PTPRT: variants seen among roughly 807,000 people sequenced by gnomAD.
The protein encoded by PTPRT is protein tyrosine phosphatase receptor type T, also known as receptor-type tyrosine-protein phosphatase T.
Under a neutral mutation model 176.8 loss-of-function variants are expected in PTPRT, and 56 were observed. The observed-to-expected ratio is 0.32, with a 90% CI of 0.26 to 0.40. PTPRT has a LOEUF of 0.40. Among genes scored for constraint, PTPRT ranks in the 10% least tolerant of loss-of-function variants. PTPRT has a pLI of 1.00. For synonymous variants in PTPRT, 783 were observed against 739.0 expected (o/e 1.06, Z -0.96); for missense variants, 1,540 against 1,908.2 (o/e 0.81, Z 3.60).
chr20:42,558,759 G>T (rs1601263173), intron 7 of PTPRT, among the ~76,000 whole-genome samples: 1 of 152,242 alleles, frequency 6.6e-6, no homozygotes, highest in Admixed American at 6.5e-5. Flanking sequence ...TTGCACTGAT[G>T]TAACCACCGA....
intron 1 of PTPRT, among the ~76,000 whole-genome samples, chr20:43,167,126 A>G (rs2146452929): frequency 6.6e-6 from 1 of 152,328 alleles, no homozygotes; most frequent in Non-Finnish European, 1.5e-5. Context: ...TACTCTTGAC[A>G]GGTTTGGACC....
At chr20:42,563,840 G>T (rs2072994315) in intron 7 of PTPRT, among the ~76,000 whole-genome samples, 1 of 152,194 alleles carries the variant, frequency 6.6e-6, no homozygotes, top group Admixed American at 6.5e-5. Flanking sequence ...CAGGGTAAGT[G>T]AACCTCAGTA....
At chr20:42,884,150 A>G (rs1050132956) in intron 2 of PTPRT, among the ~76,000 whole-genome samples, 17 of 152,122 alleles carry the variant, frequency 1.1e-4, no homozygotes, top group African/African-American at 9.7e-5. Flanking sequence ...TTTTAAAGTC[A>G]GCATGATTGG....
At chr20:42,185,085 A>G (rs575339629) in intron 16 of PTPRT, among the ~76,000 whole-genome samples, 7 of 152,172 alleles carry the variant, frequency 4.6e-5, no homozygotes, top group Non-Finnish European at 1.0e-4. Flanking sequence ...TCGGAGTTTC[A>G]ATAACTAGAG....
chr20:43,103,990 C>T (rs2425596), intron 1 of PTPRT, among the ~76,000 whole-genome samples: 44,277 of 151,988 alleles, frequency 0.29, 6,877 homozygotes, highest in Non-Finnish European at 0.35. Flanking sequence ...ACATCACACG[C>T]GCTTGCCACA....
At chr20:42,171,658 G>A (rs1220839864) in intron 16 of PTPRT, among the ~76,000 whole-genome samples, 1 of 151,962 alleles carries the variant, frequency 6.6e-6, no homozygotes, top group Middle Eastern at 3.2e-3. Context: ...GAATGAACAG[G>A]ATTCAAATAG....
At chr20:42,096,403 G>T (rs372028213) in intron 27 of PTPRT, among the ~76,000 whole-genome samples, 1 of 152,274 alleles carries the variant, frequency 6.6e-6, no homozygotes, top group Admixed American at 6.5e-5. Flanking sequence ...AAGAGTTTGA[G>T]ACCAGCCTGG....
intron 1 of PTPRT, among the ~76,000 whole-genome samples, chr20:43,124,091 C>G (rs1568799045): frequency 6.6e-6 from 1 of 152,198 alleles, no homozygotes; most frequent in Non-Finnish European, 1.5e-5. Context: ...CTGAACTGGA[C>G]CAACAGCTTC....
At chr20:42,570,148 G>A (rs1469723608) in intron 7 of PTPRT, among the ~76,000 whole-genome samples, 1 of 152,236 alleles carries the variant, frequency 6.6e-6, no homozygotes, top group South Asian at 2.1e-4. Context: ...TGTCGCCAGT[G>A]TGTGTCGTCA....
chr20:42,375,200 CTG>C (rs764595069), intron 9 of PTPRT, among the ~76,000 whole-genome samples: 64 of 152,230 alleles, frequency 4.2e-4, no homozygotes, highest in East Asian at 5.8e-4. Flanking sequence ...ACAGTCATGT[CTG>C]TGTTATATCC....
At chr20:42,392,213 C>T (rs2058806602) in intron 9 of PTPRT, among the ~76,000 whole-genome samples, 1 of 152,192 alleles carries the variant, frequency 6.6e-6, no homozygotes, top group Non-Finnish European at 1.5e-5. Context: ...CACATATGAA[C>T]ATTTCCTGCC....
intron 9 of PTPRT, among the ~76,000 whole-genome samples, chr20:42,360,430 C>G (rs1002220596): frequency 6.6e-6 from 1 of 152,190 alleles, no homozygotes; most frequent in African/African-American, 2.4e-5. Context: ...TCAACTCAGA[C>G]GGCTCTAAGC....
intron 1 of PTPRT, among the ~76,000 whole-genome samples, chr20:42,984,299 G>A (rs1430951129): frequency 6.6e-6 from 1 of 152,158 alleles, no homozygotes; most frequent in Non-Finnish European, 1.5e-5. Flanking sequence ...CGAGAAGACT[G>A]GAATTGACAG....
At chr20:42,959,709 G>T (rs1981878294) in intron 1 of PTPRT, among the ~76,000 whole-genome samples, 1 of 152,078 alleles carries the variant, frequency 6.6e-6, no homozygotes, top group African/African-American at 2.4e-5. Flanking sequence ...GCTTCCACTA[G>T]CGCCTACCCC....
chr20:42,211,129 T>G (rs1277527025), intron 15 of PTPRT, among the ~76,000 whole-genome samples: 1 of 152,138 alleles, frequency 6.6e-6, no homozygotes, highest in Non-Finnish European at 1.5e-5. Flanking sequence ...TCCTTACACC[T>G]TATACAAAAA....
intron 6 of PTPRT, among the ~76,000 whole-genome samples, chr20:42,707,133 C>G (rs7271643): frequency 0.082 from 12,489 of 152,206 alleles, 669 homozygotes; most frequent in Admixed American, 0.13. Flanking sequence ...CTCTTAGCCT[C>G]CAGAACTGTG....
intron 16 of PTPRT, among the ~76,000 whole-genome samples, chr20:42,176,572 G>T (rs1332189349): frequency 2.0e-5 from 3 of 152,118 alleles, no homozygotes; most frequent in Non-Finnish European, 2.9e-5. Flanking sequence ...TCCATAACCT[G>T]CACACTTATG....
chr20:42,242,179 C>A (rs1386000606), intron 14 of PTPRT, among the ~76,000 whole-genome samples: 1 of 152,194 alleles, frequency 6.6e-6, no homozygotes, highest in East Asian at 1.9e-4. Flanking sequence ...ATGTCTTCCA[C>A]ATACTGCCTC....
intron 7 of PTPRT, among the ~76,000 whole-genome samples, chr20:42,536,946 A>T (rs1176341852): frequency 6.6e-6 from 1 of 152,180 alleles, no homozygotes; most frequent in Non-Finnish European, 1.5e-5. Flanking sequence ...TATTATAACC[A>T]ACCTAAATGT....
Sources: gnomAD v4.1 joint callset for allele counts (sites outside exome capture counted in the v4.1 genomes callset) on GRCh38, gnomAD v4.1.1 for gene constraint, MANE v1.5 for transcripts, NCBI Gene and HGNC (gene_info 2026-07-23, HGNC 2026-07-21) for gene names.